Variants in BBS4 observed in about 807,000 individuals in gnomAD.
The protein encoded by BBS4 is Bardet-Biedl syndrome 4.
In BBS4, 58 loss-of-function variants were observed where a neutral mutation model predicts 71.4. That is an observed-to-expected ratio of 0.81 (90% CI 0.66 to 1.01). BBS4 has a LOEUF of 1.01. Ranked by LOEUF, BBS4 falls within the 50% of genes least tolerant of loss-of-function variation. The probability of loss-of-function intolerance (pLI) is 0.00; values close to 1 mark genes in which losing one functional copy is unlikely to be tolerated. For missense variants in BBS4, 660 were observed against 607.9 expected, an observed-to-expected ratio of 1.09 and a Z score of -0.90; for synonymous variants, 228 against 216.8, an observed-to-expected ratio of 1.05 and a Z score of -0.46.
At chr15:72,731,157 A>G in intron 10 of BBS4, 148 bp from the exon 11 acceptor site, 1 of 791,330 alleles carries the variant, frequency 1.3e-6, no homozygotes. Flanking sequence ...CATTTGTCCC[A>G]ATAGGTTGGA....
intron 9 of BBS4, among the ~76,000 whole-genome samples, chr15:72,729,273 G>A (rs528256887): frequency 1.6e-4 from 23 of 140,074 alleles, no homozygotes; most frequent in African/African-American, 6.1e-4. Context: ...TTTTGGAGAC[G>A]GAGTTTCACT....
chr15:72,714,685 A>C (rs571724782), intron 4 of BBS4, among the ~76,000 whole-genome samples: 99 of 152,330 alleles, frequency 6.5e-4, no homozygotes, highest in African/African-American at 2.3e-3. Flanking sequence ...AATTGTTAAG[A>C]TATTGACAAA....
chr15:72,731,808 T>C (rs2065831112), intron 12 of BBS4, 82 bp downstream of exon 12: 2 of 1,541,202 alleles, frequency 1.3e-6, no homozygotes, highest in Non-Finnish European at 1.8e-6. Context: ...GATCAGTGGC[T>C]GTCTCATAGG....
chr15:72,721,899 GA>G (rs1349341074), intron 6 of BBS4, among the ~76,000 whole-genome samples: 1 of 152,228 alleles, frequency 6.6e-6, no homozygotes, highest in Non-Finnish European at 1.5e-5. Context: ...ACAGTATCAA[GA>G]GATGCAGGTT....
intron 3 of BBS4, among the ~76,000 whole-genome samples, chr15:72,711,585 A>G (rs1316564249): frequency 6.6e-6 from 1 of 152,138 alleles, no homozygotes; most frequent in African/African-American, 2.4e-5. Flanking sequence ...GGCCAACAAT[A>G]TTTTAGGGTT....
intron 14 of BBS4, 49 bp from the exon 15 acceptor site, chr15:72,736,713 T>G (rs1460787464): frequency 6.3e-7 from 1 of 1,596,930 alleles, no homozygotes. Context: ...GGTTGGCTTG[T>G]CTCTGACAGT....
At chr15:72,716,721 AG>A in intron 5 of BBS4, 56 bp from the exon 6 acceptor site, 2 of 1,209,436 alleles carry the variant, frequency 1.7e-6, no homozygotes, top group Non-Finnish European at 2.4e-6. Flanking sequence ...TGGGACTAGT[AG>A]GGTTAGTCTT....
In BBS4 at chr15:72,715,331, A is replaced by G. The variant is rs763786149; in HGVS notation, c.261A>G (p.Leu87=). Residue 87 remains leucine (L), a synonymous_variant, in exon 5 of 16, where the codon CTA becomes CTG. Transcript: ENST00000268057. ...TAGAAGGAAATATCCAAGAATCCCT[A>G]GAACTCTTCCAGACATGTGCAGTTC... The part of the protein sequence containing the change: ...FRLEGNIQES[L]ELFQTCAVLS... 8 of 1,614,004 alleles carry G rather than the reference A, an allele frequency of 5.0e-6. No homozygotes were observed. The highest frequency in any genetic ancestry group is 5.9e-6 in the Non-Finnish European group (7 of 1,179,886).
intron 1 of BBS4, among the ~76,000 whole-genome samples, chr15:72,693,598 G>A (rs917118607): frequency 2.0e-5 from 3 of 152,112 alleles, no homozygotes; most frequent in African/African-American, 7.2e-5. Flanking sequence ...CACAAATTTT[G>A]TTTATAGACA....
chr15:72,686,455 G>C (rs1031996636), intron 1 of BBS4: 1 of 1,532,318 alleles, frequency 6.5e-7, no homozygotes, highest in Non-Finnish European at 8.7e-7. Context: ...CACAGGTCCT[G>C]TTCTAGGACT....
chr15:72,698,802 C>T (rs2065121921), intron 2 of BBS4, among the ~76,000 whole-genome samples: 1 of 152,162 alleles, frequency 6.6e-6, no homozygotes, highest in Non-Finnish European at 1.5e-5. Context: ...ATTTGGTTCT[C>T]AGACGTGATT....
intron 1 of BBS4, among the ~76,000 whole-genome samples, chr15:72,689,834 G>A (rs984070789): frequency 2.1e-5 from 3 of 142,648 alleles, no homozygotes; most frequent in South Asian, 2.2e-4. Context: ...ATTTTGAGAC[G>A]GAGTCTTGCT....
At chr15:72,725,038 C>CTG (rs2065642756) in intron 8 of BBS4, among the ~76,000 whole-genome samples, 1 of 135,492 alleles carries the variant, frequency 7.4e-6, no homozygotes, top group African/African-American at 2.8e-5. Context: ...AAGCATCTGG[C>CTG]TATATATATA....
intron 9 of BBS4, among the ~76,000 whole-genome samples, chr15:72,729,025 A>G (rs1174309307): frequency 2.0e-5 from 3 of 152,236 alleles, no homozygotes; most frequent in Non-Finnish European, 1.5e-5. Flanking sequence ...AATGTGGAAC[A>G]GTACTAGTGT....
rs181141997 is a variant in BBS4 at position 72,720,601 on chromosome 15, T to C, written c.406-2193T>C. Among the ~76,000 whole-genome samples the C allele has an allele frequency of 4.6e-5, 7 of 152,286 alleles. No individual in the cohort carries two copies. The East Asian group carries it at 1.4e-3, about 29-fold the overall frequency. On this transcript the variant is annotated intron_variant, in intron 6 of 15. Coordinates refer to ENST00000268057, the MANE Select transcript of BBS4 (RefSeq NM_033028.5). ...GTAATTCCTCCTGCCATTATCTTAGTTGACTTTTGGAACAGTTCTGTTAAG... is the reference window on the plus strand; with the variant it reads ...GTAATTCCTCCTGCCATTATCTTAGCTGACTTTTGGAACAGTTCTGTTAAG...
intron 2 of BBS4, among the ~76,000 whole-genome samples, chr15:72,705,491 G>A (rs546329174): frequency 3.3e-5 from 5 of 150,874 alleles, no homozygotes; most frequent in African/African-American, 1.2e-4. Context: ...AATCCCTAGA[G>A]TTCCATTTAA....
At chr15:72,720,486 CA>C (rs60677539) in intron 6 of BBS4, among the ~76,000 whole-genome samples, 10,431 of 121,380 alleles carry the variant, frequency 0.086, 386 homozygotes, top group Admixed American at 0.14. Context: ...GACCCTGTCT[CA>C]AAAAAAAAAA....
chr15:72,725,055 TATAGAGAGAG>T (rs1445897399), intron 8 of BBS4, among the ~76,000 whole-genome samples: 10 of 111,596 alleles, frequency 9.0e-5, no homozygotes, highest in African/African-American at 2.8e-4. Flanking sequence ...TATATATATA[TATAGAGAGAG>T]AGAGAGAGAG....
At chr15:72,686,546 T>A (rs1169989452) in intron 1 of BBS4, 1 of 1,475,856 alleles carries the variant, frequency 6.8e-7, no homozygotes, top group East Asian at 2.8e-5. Flanking sequence ...CATCTTTTTC[T>A]GTCTCGGGGG....
Sources: allele counts gnomAD v4.1 joint callset (sites outside exome capture counted in the v4.1 genomes callset), GRCh38; gene constraint gnomAD v4.1.1; transcripts MANE v1.5; gene names NCBI Gene and HGNC (gene_info 2026-07-23, HGNC 2026-07-21).